ST6GAL1: variants seen among roughly 807,000 people sequenced by gnomAD.
The protein encoded by ST6GAL1 is beta-galactoside alpha-2,6-sialyltransferase 1.
ST6GAL1 carries 20 observed loss-of-function variants against 38.0 expected under a neutral mutation model. The ratio of observed to expected loss-of-function variants is 0.53; its 90% CI spans 0.37 to 0.77. The LOEUF is 0.77. ST6GAL1 is among the 30% of genes least tolerant of loss of function. The pLI, the probability that ST6GAL1 is intolerant of heterozygous loss-of-function variation, is 0.00. For synonymous variants in ST6GAL1, 196 were observed against 188.2 expected (o/e 1.04, Z -0.34); for missense variants, 432 against 496.4 (o/e 0.87, Z 1.23).
intron 5 of ST6GAL1, among the ~76,000 whole-genome samples, chr3:187,052,668 A>G (rs1256610188): frequency 3.9e-5 from 6 of 152,174 alleles, no homozygotes; most frequent in Non-Finnish European, 7.3e-5. Context: ...TGGTGTATAC[A>G]TGCCACATTT....
chr3:187,039,357 C>T (rs181438881), intron 3 of ST6GAL1, among the ~76,000 whole-genome samples: 39 of 152,294 alleles, frequency 2.6e-4, no homozygotes, highest in South Asian at 1.9e-3. Context: ...ATTGAGTATC[C>T]GCTCTGGTCC....
chr3:186,993,416 G>A (rs1018226074), intron 2 of ST6GAL1, among the ~76,000 whole-genome samples: 6 of 152,150 alleles, frequency 3.9e-5, no homozygotes, highest in African/African-American at 9.7e-5. Context: ...TCTCTCAAGC[G>A]TGTTAGCGAG....
At chr3:187,020,387 A>G (rs1363420947) in intron 2 of ST6GAL1, among the ~76,000 whole-genome samples, 1 of 152,218 alleles carries the variant, frequency 6.6e-6, no homozygotes, top group South Asian at 2.1e-4. Flanking sequence ...TCTGAGTTTC[A>G]ATTTCTTTAT....
chr3:186,945,988 C>A (rs1170053014), intron 1 of ST6GAL1, among the ~76,000 whole-genome samples: 116 of 71,468 alleles, frequency 1.6e-3, no homozygotes, highest in Middle Eastern at 0.011. Flanking sequence ...AAGACTCCGT[C>A]AAAAAAAAAA....
chr3:186,935,541 T>C (rs1266520301), intron 1 of ST6GAL1, among the ~76,000 whole-genome samples: 1 of 152,194 alleles, frequency 6.6e-6, no homozygotes, highest in African/African-American at 2.4e-5. Context: ...GCTGGGTCAA[T>C]GGTAGTTCTA....
At chr3:186,975,656 T>G (rs1462140716) in intron 2 of ST6GAL1, among the ~76,000 whole-genome samples, 2 of 152,184 alleles carry the variant, frequency 1.3e-5, no homozygotes, top group East Asian at 3.9e-4. Flanking sequence ...CTACTTCTCT[T>G]GCCCAGGAGG....
chr3:187,056,206 A>C (rs1200287043), intron 5 of ST6GAL1, among the ~76,000 whole-genome samples: 1 of 152,072 alleles, frequency 6.6e-6, no homozygotes, highest in Non-Finnish European at 1.5e-5. Context: ...GTGTCTCTGC[A>C]TGTGAGATGG....
intron 2 of ST6GAL1, among the ~76,000 whole-genome samples, chr3:186,983,252 A>G (rs1715753444): frequency 6.6e-6 from 1 of 152,238 alleles, no homozygotes; most frequent in Non-Finnish European, 1.5e-5. Flanking sequence ...GATAATTATT[A>G]CTTGGCAGTT....
intron 2 of ST6GAL1, among the ~76,000 whole-genome samples, chr3:187,024,495 GAGA>G (rs1717456714): frequency 2.6e-5 from 1 of 38,894 alleles, no homozygotes; most frequent in Non-Finnish European, 6.0e-5. Context: ...TATATATATA[GAGA>G]GAGAGAGAGA....
chr3:187,051,558 T>C (rs568039245), intron 5 of ST6GAL1: 225 of 500,908 alleles, frequency 4.5e-4, no homozygotes, highest in Middle Eastern at 1.0e-3. Flanking sequence ...TATTAGTGTC[T>C]GCTAATGGAG....
At chr3:186,947,446 G>A (rs1354519966) in intron 1 of ST6GAL1, among the ~76,000 whole-genome samples, 2 of 152,140 alleles carry the variant, frequency 1.3e-5, no homozygotes, top group Non-Finnish European at 2.9e-5. Flanking sequence ...ATGATTTGTG[G>A]TGCACAGAGA....
At chr3:187,050,114 C>T (rs1718457532) in intron 4 of ST6GAL1, among the ~76,000 whole-genome samples, 1 of 152,150 alleles carries the variant, frequency 6.6e-6, no homozygotes, top group Non-Finnish European at 1.5e-5. Context: ...GGCTTTCATC[C>T]TTAATTCTGT....
At chr3:187,014,704 C>T (rs1479830218) in intron 2 of ST6GAL1, among the ~76,000 whole-genome samples, 15 of 152,210 alleles carry the variant, frequency 9.9e-5, no homozygotes, top group Admixed American at 9.2e-4. Flanking sequence ...TCTGGCCTCT[C>T]CCATTTGCGG....
intron 2 of ST6GAL1, among the ~76,000 whole-genome samples, chr3:186,979,961 T>C (rs1715640168): frequency 6.6e-6 from 1 of 152,232 alleles, no homozygotes; most frequent in Non-Finnish European, 1.5e-5. Context: ...GCTAAGTGGT[T>C]GATGACCATT....
intron 2 of ST6GAL1, among the ~76,000 whole-genome samples, chr3:187,036,334 A>C (rs1443120037): frequency 1.3e-5 from 2 of 152,190 alleles, no homozygotes; most frequent in Non-Finnish European, 2.9e-5. Context: ...ATGAAAAGCA[A>C]TTTGGAGATT....
rs1006192746 is a variant in ST6GAL1 at position 187,076,436 on chromosome 3, A to G, written c.*633A>G. ...CTTGGTTAGCCCACTTTCCCTCTCC[A>G]TGTGGAGATGGAAGGTAGAGAAGGA... On this transcript the variant is annotated 3_prime_UTR_variant, in exon 8 of 8. Coordinates refer to ENST00000169298, the MANE Select transcript of ST6GAL1 (RefSeq NM_173216.2). 1.2e-5 allele frequency: 2 copies of G among 164,416 alleles called. No individual in the cohort carries two copies. Among genetic ancestry groups the G allele is most frequent in the African/African-American group, 4.8e-5 (2 of 41,826 alleles). 10.2% of individuals were successfully genotyped at this position (164,416 alleles called of 1,614,324 possible). A position where few individuals can be genotyped will look rare whatever the true frequency, so the allele number is the denominator to read the frequency against.
chr3:187,046,624 A>G (rs1022211319), intron 4 of ST6GAL1, among the ~76,000 whole-genome samples: 4 of 152,138 alleles, frequency 2.6e-5, no homozygotes, highest in Non-Finnish European at 5.9e-5. Context: ...AGGGGGATGG[A>G]GTTTGAGGGA....
intron 1 of ST6GAL1, among the ~76,000 whole-genome samples, chr3:186,937,314 T>C (rs1713996940): frequency 6.6e-6 from 1 of 152,138 alleles, no homozygotes; most frequent in African/African-American, 2.4e-5. Flanking sequence ...TTCAGGAGCC[T>C]CCAACTGCCT....
intron 5 of ST6GAL1, among the ~76,000 whole-genome samples, chr3:187,064,102 G>A (rs1719014462): frequency 6.6e-6 from 1 of 152,026 alleles, no homozygotes; most frequent in Non-Finnish European, 1.5e-5. Flanking sequence ...CACTTGAGAG[G>A]CATCTAGCAG....
Sources: gnomAD v4.1 joint callset for allele counts (sites outside exome capture counted in the v4.1 genomes callset) on GRCh38, gnomAD v4.1.1 for gene constraint, MANE v1.5 for transcripts, NCBI Gene and HGNC (gene_info 2026-07-23, HGNC 2026-07-21) for gene names.